PSMB2: variants seen among roughly 807,000 people sequenced by gnomAD.
PSMB2 encodes proteasome 20S subunit beta 2, also known as proteasome subunit beta type-2.
PSMB2 carries 13 observed loss-of-function variants against 25.7 expected under a neutral mutation model. The ratio of observed to expected loss-of-function variants is 0.51; its 90% confidence interval spans 0.33 to 0.80. PSMB2 has a LOEUF of 0.80. Among genes scored for constraint, PSMB2 ranks in the 30% least tolerant of loss-of-function variants. The pLI, the probability that PSMB2 is intolerant of heterozygous loss-of-function variation, is 0.02. For synonymous variants in PSMB2, 87 were observed against 96.2 expected (o/e 0.90, Z 0.56); for missense variants, 202 against 259.0 (o/e 0.78, Z 1.51).
Position 35,603,089 on chromosome 1 carries a change from T to C in PSMB2, c.*178A>G. 1 of 1,388,164 alleles carries C rather than the reference T, an allele frequency of 7.2e-7. No homozygotes were observed. Among genetic ancestry groups the C allele is most frequent in the Non-Finnish European group, 9.3e-7 (1 of 1,071,934 alleles). 86.0% of individuals were successfully genotyped at this position (1,388,164 alleles called of 1,614,324 possible). The stretch of plus-strand genomic sequence containing the variant: ...TGGCAAAAAGATCATCTTCCCTCCA[T>C]ATCCTTTCTGAGGTAATATTAGGTA... On this transcript the variant is annotated 3_prime_UTR_variant, in exon 6 of 6. Transcript: ENST00000373237.
At chr1:35,640,349 T>C (rs1026240076) in intron 1 of PSMB2, among the ~76,000 whole-genome samples, 1 of 152,110 alleles carries the variant, frequency 6.6e-6, no homozygotes, top group Non-Finnish European at 1.5e-5. Context: ...CCCGACAAGT[T>C]TGTGAGTTTG....
intron 3 of PSMB2, among the ~76,000 whole-genome samples, chr1:35,618,714 C>T (rs1006341364): frequency 2.6e-5 from 4 of 152,082 alleles, no homozygotes; most frequent in African/African-American, 9.7e-5. Flanking sequence ...CTGTTATCTA[C>T]AGTTGCCACT....
In PSMB2 at chr1:35,641,406, G is replaced by T. The variant is rs1219510952; in HGVS notation, c.27C>A (p.Gly9=). Residue 9 remains glycine, a synonymous_variant, in exon 1 of 6, where the codon GGC becomes GGA. Transcript: ENST00000373237. MEYLIGIQ[G]PDYVLVASDR... is the part of the protein sequence containing the mutation. Reference sequence around the variant, plus strand: ...CGGAGGCGACAAGAACATAGTCGGGGCCTTGGATACCGATGAGGTACTCCA... The same window carrying T: ...CGGAGGCGACAAGAACATAGTCGGGTCCTTGGATACCGATGAGGTACTCCA... 6.2e-7 allele frequency: 1 copy of T among 1,614,134 alleles called. No homozygotes were observed. The highest frequency in any genetic ancestry group is 1.7e-5 in the Admixed American group (1 of 60,030).
chr1:35,632,789 G>C (rs1276330971), intron 2 of PSMB2, among the ~76,000 whole-genome samples: 1 of 152,202 alleles, frequency 6.6e-6, no homozygotes, highest in African/African-American at 2.4e-5. Flanking sequence ...AGGTAGTTGG[G>C]AGGCTGAGGT....
chr1:35,641,520 G>C lies in PSMB2; in HGVS notation c.-88C>G. The C allele has an allele frequency of 6.3e-7, 1 of 1,576,526 alleles. No individual in the cohort carries two copies. The highest frequency in any genetic ancestry group is 8.6e-7 in the Non-Finnish European group (1 of 1,158,480). ...CACCGGTGAGACAGCACCTCAGAGC[G>C]AAGATTGGCGCGACGCCTGCAGCAC... On this transcript the variant is annotated 5_prime_UTR_variant, in exon 1 of 6. Coordinates refer to ENST00000373237, the MANE Select transcript of PSMB2 (RefSeq NM_002794.5).
chr1:35,611,212 A>T (rs1193521882), intron 3 of PSMB2, among the ~76,000 whole-genome samples: 1 of 152,244 alleles, frequency 6.6e-6, no homozygotes, highest in East Asian at 1.9e-4. Flanking sequence ...ACAGTAAGTG[A>T]GACACCTCAT....
chr1:35,610,668 G>A (rs144622881), intron 3 of PSMB2, among the ~76,000 whole-genome samples: 3,494 of 151,982 alleles, frequency 0.023, 157 homozygotes, highest in African/African-American at 0.08. Context: ...GCTAATTTTC[G>A]TATTTTTAGT....
intron 2 of PSMB2, among the ~76,000 whole-genome samples, chr1:35,634,641 AGTGCTGGGATTACAG>A (rs923988988): frequency 3.3e-5 from 5 of 152,140 alleles, no homozygotes; most frequent in Non-Finnish European, 5.9e-5. Flanking sequence ...GCCTCTCAAA[AGTGCTGGGATTACAG>A]GTGCTAGCCA....
chr1:35,629,883 T>A (rs1651039221), intron 3 of PSMB2, among the ~76,000 whole-genome samples: 1 of 151,820 alleles, frequency 6.6e-6, no homozygotes, highest in Non-Finnish European at 1.5e-5. Flanking sequence ...AAATCCACAT[T>A]ACCGGCCAGG....
In PSMB2 at chr1:35,609,381, C is replaced by A; in HGVS notation, c.313G>T (p.Ala105Ser). The change falls in exon 4 of 6, where the codon GCT (alanine) becomes TCT (serine). Residue 105 changes from alanine to serine, a missense_variant. Ala to Ser is a moderately conservative substitution (Grantham distance 99, BLOSUM62 1). Transcript: ENST00000373237. ...GGCCCTTCATGCTCATCATAGCCAGCCAGGAGGAGGTTCACATGATATGGG... is the reference window on the plus strand; with the variant it reads ...GGCCCTTCATGCTCATCATAGCCAGACAGGAGGAGGTTCACATGATATGGG... The part of the protein sequence containing the change: ...RTPYHVNLLL[A>S]GYDEHEGPAL... 1 of 1,588,298 alleles carries A rather than the reference C, an allele frequency of 6.3e-7. No individual in the cohort carries two copies. The highest frequency in any genetic ancestry group is 1.7e-5 in the Admixed American group (1 of 57,206).
chr1:35,604,912 T>C (rs1650114388), intron 5 of PSMB2, among the ~76,000 whole-genome samples: 1 of 152,280 alleles, frequency 6.6e-6, no homozygotes, highest in African/African-American at 2.4e-5. Context: ...GGACTCAGAA[T>C]TGAGGGTTGG....
At position 35,621,927 on chromosome 1, in the gene PSMB2, C is replaced by T. The variant is rs1362592588; in HGVS notation, c.285+9347G>A. On this transcript the variant is annotated intron_variant, in intron 3 of 5. Transcript: ENST00000373237. ...AGGAGAATTGCCTGAACCCAGGAGGCAGAGGATGCAGTGAGCCTAGACAGC... is the reference window on the plus strand; with the variant it reads ...AGGAGAATTGCCTGAACCCAGGAGGTAGAGGATGCAGTGAGCCTAGACAGC... Among the ~76,000 whole-genome samples the T allele has an allele frequency of 4.0e-5, 6 of 151,824 alleles. No homozygotes were observed. The South Asian group carries it at 1.2e-3, about 32-fold the overall frequency.
At chr1:35,625,993 C>A (rs949138132) in intron 3 of PSMB2, among the ~76,000 whole-genome samples, 1 of 151,812 alleles carries the variant, frequency 6.6e-6, no homozygotes, top group Admixed American at 6.6e-5. Flanking sequence ...TGTGCCACCA[C>A]ATCTGGCTAA....
chr1:35,641,253 C>G (rs1411312037), intron 1 of PSMB2, 89 bp downstream of exon 1: 6 of 1,516,418 alleles, frequency 4.0e-6, no homozygotes, highest in Non-Finnish European at 5.4e-6. Context: ...TCTCTCAGAT[C>G]CTCCCTGGTA....
chr1:35,632,893 T>TCAA (rs932398431), intron 2 of PSMB2, among the ~76,000 whole-genome samples: 4 of 150,836 alleles, frequency 2.7e-5, no homozygotes, highest in Non-Finnish European at 5.9e-5. Flanking sequence ...AGACCCTGTC[T>TCAA]CAACAACAAC....
At chr1:35,633,449 G>A (rs751190156) in intron 2 of PSMB2, among the ~76,000 whole-genome samples, 3 of 151,470 alleles carry the variant, frequency 2.0e-5, no homozygotes, top group Non-Finnish European at 4.4e-5. Context: ...ACTGTACTTG[G>A]CAGGTAATTT....
In PSMB2 at chr1:35,600,231, T is replaced by G. The variant is rs1649950748; in HGVS notation, c.*3036A>C. ...TTGGTGGCCATGTAGAGACAGGAGA[T>G]AAAGAATGGCATAAAAATGATGCCC... On this transcript the variant is annotated 3_prime_UTR_variant, in exon 6 of 6. Coordinates refer to ENST00000373237, the MANE Select transcript of PSMB2 (RefSeq NM_002794.5). 1.0e-6 allele frequency: 1 copy of G among 985,266 alleles called. No homozygotes were observed. Among genetic ancestry groups the G allele is most frequent in the Non-Finnish European group, 1.2e-6 (1 of 829,890 alleles). 61.0% of individuals were successfully genotyped at this position (985,266 alleles called of 1,614,324 possible).
At position 35,600,738 on chromosome 1, in the gene PSMB2, G is replaced by A; in HGVS notation, c.*2529C>T. On this transcript the variant is annotated 3_prime_UTR_variant, in exon 6 of 6. Transcript: ENST00000373237. The stretch of plus-strand genomic sequence containing the variant: ...ATCCAGATTGGCAAAAAAACACTGA[G>A]AGTCAGGATGGGTTTGCAGGCTTGC... 1.0e-6 allele frequency: 1 copy of A among 985,432 alleles called. No individual in the cohort carries two copies. The highest frequency in any genetic ancestry group is 4.7e-5 in the South Asian group (1 of 21,286). 61.0% of individuals were successfully genotyped at this position (985,432 alleles called of 1,614,324 possible). A position where few individuals can be genotyped will look rare whatever the true frequency, so the allele number is the denominator to read the frequency against.
At chr1:35,636,486 A>G (rs1456199330) in intron 1 of PSMB2, 54 bp from the exon 2 acceptor site, 2 of 1,589,186 alleles carry the variant, frequency 1.3e-6, no homozygotes, top group Non-Finnish European at 1.7e-6. Context: ...ATTGACCGTC[A>G]TTATTTATGT....
Sources: gnomAD v4.1 joint callset for allele counts (sites outside exome capture counted in the v4.1 genomes callset) on GRCh38, gnomAD v4.1.1 for gene constraint, MANE v1.5 for transcripts, NCBI Gene and HGNC (gene_info 2026-07-23, HGNC 2026-07-21) for gene names.